Variants in DNMT3B observed in about 807,000 individuals in gnomAD.
DNMT3B encodes the protein DNA methyltransferase 3 beta, also known as DNA (cytosine-5)-methyltransferase 3B.
Under a neutral mutation model 120.2 loss-of-function variants are expected in DNMT3B, and 37 were observed. The ratio of observed to expected loss-of-function variants is 0.31; its 90% CI spans 0.24 to 0.40. The LOEUF is 0.40. Among genes scored for constraint, DNMT3B ranks in the 10% least tolerant of loss-of-function variants. The pLI is 1.00. For synonymous variants in DNMT3B, 412 were observed against 442.8 expected (o/e 0.93, Z 0.87); for missense variants, 878 against 1,137.3 (o/e 0.77, Z 3.28).
intron 6 of DNMT3B, among the ~76,000 whole-genome samples, chr20:32,788,260 G>T (rs777774449): frequency 6.6e-6 from 1 of 152,148 alleles, no homozygotes; most frequent in Admixed American, 6.5e-5. Context: ...TATATTGTAC[G>T]TATGATACCT....
At chr20:32,764,709 C>T (rs1020722686) in intron 1 of DNMT3B, among the ~76,000 whole-genome samples, 1 of 152,070 alleles carries the variant, frequency 6.6e-6, no homozygotes, top group East Asian at 1.9e-4. Context: ...TTTACCTTTT[C>T]CCATTGGGGT....
intron 1 of DNMT3B, among the ~76,000 whole-genome samples, chr20:32,778,120 C>G (rs988123165): frequency 6.6e-6 from 1 of 152,138 alleles, no homozygotes; most frequent in Non-Finnish European, 1.5e-5. Context: ...GGGCAGATCA[C>G]GAGGACAAGA....
At chr20:32,763,095 A>C (rs954992777) in intron 1 of DNMT3B, among the ~76,000 whole-genome samples, 1 of 152,134 alleles carries the variant, frequency 6.6e-6, no homozygotes, top group African/African-American at 2.4e-5. Flanking sequence ...GGCTTTGCTC[A>C]TGGGCAGGGG....
In DNMT3B at chr20:32,800,100, G is replaced by A. The variant is rs538482347; in HGVS notation, c.1760-53G>A. On this transcript the variant is annotated intron_variant, in intron 16 of 22. Coordinates refer to ENST00000328111, the MANE Select transcript of DNMT3B (RefSeq NM_006892.4). ...CCATAGCAGGGAGTGGAGGAAATGA[G>A]CTGCTGTGTGCTCAGCATCATTTAT... 6 of 1,611,460 alleles carry A rather than the reference G, an allele frequency of 3.7e-6. No individual in the cohort carries two copies. In the East Asian group the frequency reaches 1.3e-4, roughly 36 times the overall value.
rs1980113243 is a variant in DNMT3B, at chr20:32,792,638, C to T, written c.934C>T (p.Arg312Ter). The T allele has an allele frequency of 6.2e-7, 1 of 1,614,208 alleles. No individual in the cohort carries two copies. The highest frequency in any genetic ancestry group is 8.5e-7 in the Non-Finnish European group (1 of 1,180,042). The change falls in exon 9 of 23, where the codon CGA becomes TGA. Residue 312 changes from arginine (R) to a stop codon, truncating the protein, a stop_gained. Coordinates refer to ENST00000328111, the MANE Select transcript of DNMT3B (RefSeq NM_006892.4). LOFTEE classifies it high-confidence loss of function. ...TCTGCCTTTGCAGAAAGCTAGGGTG[C>T]GAGCTGGCAAGACCTTCCCCAGCAG... is the stretch of plus-strand genomic sequence containing the variant. ...MYHALEKARVRAGKTFPSSPG... is the reference protein window; with the variant it reads ...MYHALEKARV
At position 32,787,366 on chromosome 20, in the gene DNMT3B, G is replaced by A. The variant is rs774138031; in HGVS notation, c.569G>A (p.Arg190His). 2.5e-5 allele frequency: 40 copies of A among 1,614,074 alleles called. 1 individual carries two copies. The highest frequency in any genetic ancestry group is 1.9e-4 in the South Asian group (17 of 91,094). The change falls in exon 6 of 23, where the codon CGC becomes CAC. Residue 190 changes from arginine (R) to histidine (H), a missense_variant. Transcript: ENST00000328111. ...TPQSSSTPYA[R>H]LAQDSQQGGM... Reference sequence around the variant, plus strand: ...CAGAGCAGCAGTACCCCCTACGCCCGCCTAGCCCAGGACAGCCAGCAGGGG... The same window carrying A: ...CAGAGCAGCAGTACCCCCTACGCCCACCTAGCCCAGGACAGCCAGCAGGGG...
intron 1 of DNMT3B, among the ~76,000 whole-genome samples, chr20:32,777,916 G>A (rs892522296): frequency 2.0e-5 from 3 of 152,160 alleles, no homozygotes; most frequent in African/African-American, 7.2e-5. Context: ...TACACACTCT[G>A]GATCATGTGA....
intron 1 of DNMT3B, among the ~76,000 whole-genome samples, chr20:32,776,857 T>A (rs1418520440): frequency 6.6e-6 from 1 of 151,270 alleles, no homozygotes; most frequent in African/African-American, 2.4e-5. Flanking sequence ...TGTAGGGAGT[T>A]GGGGAGGGCT....
rs1288741575 is a variant in DNMT3B, at chr20:32,807,755, C to T, written c.2421-7C>T. The T allele has an allele frequency of 6.2e-7, 1 of 1,613,786 alleles. No homozygotes were observed. The highest frequency in any genetic ancestry group is 1.3e-5 in the African/African-American group (1 of 74,898). Reference sequence around the variant, plus strand: ...GACTTGCTGTCTTTTCACTCCGGTACCCCCAGGATCTTTGGCTTTCCTGTG... The same window carrying T: ...GACTTGCTGTCTTTTCACTCCGGTATCCCCAGGATCTTTGGCTTTCCTGTG... On this transcript the variant is annotated splice_polypyrimidine_tract_variant and splice_region_variant and intron_variant, in intron 22 of 22. Coordinates refer to ENST00000328111, the MANE Select transcript of DNMT3B (RefSeq NM_006892.4).
intron 3 of DNMT3B, among the ~76,000 whole-genome samples, chr20:32,782,510 A>G (rs1351705193): frequency 1.3e-5 from 2 of 152,262 alleles, no homozygotes; most frequent in East Asian, 1.9e-4. Flanking sequence ...ATGATGTCTA[A>G]TAGAACCTAC....
intron 3 of DNMT3B, among the ~76,000 whole-genome samples, chr20:32,781,669 G>A (rs571726070): frequency 3.3e-5 from 5 of 152,286 alleles, no homozygotes; most frequent in South Asian, 2.1e-4. Flanking sequence ...GTCAACTGCC[G>A]TCTGAAAGTA....
rs1276170724 is a variant in DNMT3B, at chr20:32,808,665, G to A, written c.*762G>A. The A allele has an allele frequency of 1.7e-5, 4 of 230,216 alleles. No individual in the cohort carries two copies. The highest frequency in any genetic ancestry group is 2.6e-5 in the Non-Finnish European group (3 of 116,138). 14.3% of individuals were successfully genotyped at this position (230,216 alleles called of 1,614,324 possible). A position where few individuals can be genotyped will look rare whatever the true frequency, so the allele number is the denominator to read the frequency against. ...CAATAGAACCCTCTGGGGAGCTCAG[G>A]AAGGGGTGTGCTGAGTTCTATAATA... On this transcript the variant is annotated 3_prime_UTR_variant, in exon 23 of 23. Coordinates refer to ENST00000328111, the MANE Select transcript of DNMT3B (RefSeq NM_006892.4).
intron 12 of DNMT3B, among the ~76,000 whole-genome samples, 183 bp downstream of exon 12, chr20:32,795,877 G>A (rs932190076): frequency 1.3e-5 from 2 of 152,174 alleles, no homozygotes; most frequent in Admixed American, 6.5e-5. Flanking sequence ...TGCCAATTGT[G>A]CCCCTTAAGA....
chr20:32,802,477 A>C lies in DNMT3B; in HGVS notation c.2231+7A>C, dbSNP rs1230964055. ...ACCTACCCGGGATGAACAGGTAACA[A>C]AGGGCTCTTAGTGGGTCAGGTAACA... On this transcript the variant is annotated splice_region_variant and intron_variant, in intron 20 of 22. Coordinates refer to ENST00000328111, the MANE Select transcript of DNMT3B (RefSeq NM_006892.4). 1 of 1,614,130 alleles carries C rather than the reference A, an allele frequency of 6.2e-7. No individual in the cohort carries two copies. Among genetic ancestry groups the C allele is most frequent in the Non-Finnish European group, 8.5e-7 (1 of 1,179,952 alleles).
Position 32,808,071 on chromosome 20 carries a change from G to A in DNMT3B, c.*168G>A. 3 of 1,123,392 alleles carry A rather than the reference G, an allele frequency of 2.7e-6. No individual in the cohort carries two copies. Among genetic ancestry groups the A allele is most frequent in the Non-Finnish European group, 3.8e-6 (3 of 787,200 alleles). 69.6% of individuals were successfully genotyped at this position (1,123,392 alleles called of 1,614,324 possible). A position where few individuals can be genotyped will look rare whatever the true frequency, so the allele number is the denominator to read the frequency against. ...GGCAGAGCCACCTGACTCTTGCAGG[G>A]GTAGCCTGAGGTGCCGCCTCCTTGT... On this transcript the variant is annotated 3_prime_UTR_variant, in exon 23 of 23. Transcript: ENST00000328111.
chr20:32,798,426 C>T (rs1568854102), intron 14 of DNMT3B, 34 bp from the exon 15 acceptor site: 1 of 1,613,640 alleles, frequency 6.2e-7, no homozygotes, highest in Non-Finnish European at 8.5e-7. Flanking sequence ...CCAGCTCTGA[C>T]AAAGGCATCC....
At chr20:32,803,751 G>A (rs778130222) in intron 20 of DNMT3B, among the ~76,000 whole-genome samples, 1 of 152,272 alleles carries the variant, frequency 6.6e-6, no homozygotes, top group Non-Finnish European at 1.5e-5. Context: ...CTGGGATGAT[G>A]GGAAACATCC....
chr20:32,772,929 G>A (rs1309492957), intron 1 of DNMT3B, among the ~76,000 whole-genome samples: 1 of 143,798 alleles, frequency 7.0e-6, no homozygotes, highest in Non-Finnish European at 1.5e-5. Flanking sequence ...AGGCTAGAGT[G>A]CAATGGCACG....
chr20:32,799,531 T>C (rs1981064745), intron 16 of DNMT3B, among the ~76,000 whole-genome samples: 2 of 152,104 alleles, frequency 1.3e-5, no homozygotes, highest in Non-Finnish European at 2.9e-5. Flanking sequence ...TATTTATTTA[T>C]TTTTTCGAGA....
Sources: gnomAD v4.1 joint callset for allele counts (sites outside exome capture counted in the v4.1 genomes callset) on GRCh38, gnomAD v4.1.1 for gene constraint, MANE v1.5 for transcripts, NCBI Gene and HGNC (gene_info 2026-07-23, HGNC 2026-07-21) for gene names.